Variants in AGBL4 observed in about 807,000 individuals in gnomAD.
AGBL4 encodes the protein cytosolic carboxypeptidase 6.
AGBL4 carries 58 observed loss-of-function variants against 66.4 expected under a neutral mutation model. That is an observed-to-expected ratio of 0.87 (90% CI 0.71 to 1.09). The LOEUF (loss-of-function observed/expected upper bound fraction) is 1.09. AGBL4 is among the 50% of genes least tolerant of loss of function. AGBL4 has a pLI of 0.00. For missense variants in AGBL4, 579 were observed against 631.0 expected (o/e 0.92, Z 0.88); for synonymous variants, 234 against 222.9 (o/e 1.05, Z -0.44).
At chr1:49,775,269 G>C (rs1162913759) in intron 2 of AGBL4, among the ~76,000 whole-genome samples, 1 of 152,078 alleles carries the variant, frequency 6.6e-6, no homozygotes, top group African/African-American at 2.4e-5. Flanking sequence ...TCCATAAAAT[G>C]GGGATAATGA....
intron 5 of AGBL4, among the ~76,000 whole-genome samples, chr1:49,006,341 C>A (rs890476804): frequency 2.6e-5 from 4 of 152,164 alleles, no homozygotes; most frequent in Non-Finnish European, 5.9e-5. Flanking sequence ...CGGCGCACCA[C>A]GAGATTATAT....
In AGBL4 at chr1:49,822,240, C is replaced by T. The variant is rs370400380; in HGVS notation, c.157+29156G>A. On this transcript the variant is annotated intron_variant, in intron 2 of 13. Coordinates refer to ENST00000371839, the MANE Select transcript of AGBL4 (RefSeq NM_032785.4). Reference sequence around the variant, plus strand: ...ATAAAATTAAAGGTATATTTCCATCCGGGTCAACAACAAAACTTTAAGTAT... The same window carrying T: ...ATAAAATTAAAGGTATATTTCCATCTGGGTCAACAACAAAACTTTAAGTAT... 3.3e-4 allele frequency among the ~76,000 whole-genome samples: 50 copies of T among 151,920 alleles called. 1 individual carries two copies. The highest frequency in any genetic ancestry group is 9.4e-4 in the African/African-American group (39 of 41,446).
chr1:49,885,768 G>C (rs1647968113), intron 1 of AGBL4, among the ~76,000 whole-genome samples: 1 of 152,022 alleles, frequency 6.6e-6, no homozygotes, highest in African/African-American at 2.4e-5. Context: ...GTCTCAAAAA[G>C]TTGACCATCT....
At chr1:49,844,453 C>T (rs1646084904) in intron 2 of AGBL4, among the ~76,000 whole-genome samples, 1 of 152,128 alleles carries the variant, frequency 6.6e-6, no homozygotes, top group East Asian at 1.9e-4. Flanking sequence ...CTCTTCCTTT[C>T]CTTATTCTGT....
intron 5 of AGBL4, among the ~76,000 whole-genome samples, chr1:48,949,353 C>T (rs1656778556): frequency 6.6e-6 from 1 of 152,230 alleles, no homozygotes; most frequent in South Asian, 2.1e-4. Flanking sequence ...TATCCAGTGA[C>T]TGCCCAGGCA....
intron 5 of AGBL4, among the ~76,000 whole-genome samples, chr1:48,930,862 T>C (rs1478305123): frequency 6.6e-6 from 1 of 152,220 alleles, no homozygotes; most frequent in Non-Finnish European, 1.5e-5. Flanking sequence ...ATGTCTTTTA[T>C]GGGTCCTGCA....
chr1:48,559,753 C>T (rs1644369417), intron 11 of AGBL4, among the ~76,000 whole-genome samples: 1 of 152,050 alleles, frequency 6.6e-6, no homozygotes, highest in South Asian at 2.1e-4. Flanking sequence ...CCAGACCCTC[C>T]ACTTAATCCT....
At chr1:49,034,150 A>G (rs150781822) in intron 5 of AGBL4, among the ~76,000 whole-genome samples, 9 of 152,202 alleles carry the variant, frequency 5.9e-5, no homozygotes, top group Middle Eastern at 6.8e-3. Flanking sequence ...CTCATTCATC[A>G]TACCATTAAA....
intron 5 of AGBL4, among the ~76,000 whole-genome samples, chr1:48,895,950 T>A (rs1185423089): frequency 6.6e-6 from 1 of 152,244 alleles, no homozygotes; most frequent in Non-Finnish European, 1.5e-5. Context: ...CCGGTTTTAC[T>A]ATGTGATATT....
At chr1:48,697,907 T>C (rs1260171252) in intron 6 of AGBL4, among the ~76,000 whole-genome samples, 3 of 152,228 alleles carry the variant, frequency 2.0e-5, no homozygotes, top group Non-Finnish European at 4.4e-5. Flanking sequence ...AAAAACGTTA[T>C]ATGCAGCTTC....
chr1:48,613,801 T>C (rs141049688), intron 9 of AGBL4, among the ~76,000 whole-genome samples: 2 of 152,376 alleles, frequency 1.3e-5, no homozygotes, highest in Admixed American at 6.5e-5. Context: ...ATGTTTGCTG[T>C]GGTAACCTAC....
chr1:49,303,092 C>T (rs933377718), intron 3 of AGBL4, among the ~76,000 whole-genome samples: 1 of 152,040 alleles, frequency 6.6e-6, no homozygotes, highest in Non-Finnish European at 1.5e-5. Flanking sequence ...TACATCTTTG[C>T]TATTGTGAAT....
chr1:48,583,741 T>A (rs1644773418), intron 11 of AGBL4: 3 of 152,140 alleles, frequency 2.0e-5, no homozygotes, highest in Admixed American at 6.5e-5. Context: ...CCAGACCATA[T>A]TGCCTTTCCC....
chr1:49,210,003 A>T (rs1406609494), intron 4 of AGBL4, among the ~76,000 whole-genome samples: 2 of 152,090 alleles, frequency 1.3e-5, no homozygotes, highest in Non-Finnish European at 2.9e-5. Flanking sequence ...CTATTAAACA[A>T]AAAGTGGTTT....
chr1:49,648,831 T>A (rs1210701040), intron 3 of AGBL4, among the ~76,000 whole-genome samples: 1 of 151,674 alleles, frequency 6.6e-6, no homozygotes, highest in Non-Finnish European at 1.5e-5. Flanking sequence ...AGTAGACCTG[T>A]CTTGAAAGAA....
intron 6 of AGBL4, among the ~76,000 whole-genome samples, chr1:48,740,565 T>C (rs890380005): frequency 6.6e-6 from 1 of 152,254 alleles, no homozygotes; most frequent in African/African-American, 2.4e-5. Flanking sequence ...AGTATACTAT[T>C]TGACCAAAGT....
At chr1:48,759,577 A>G (rs1644144369) in intron 6 of AGBL4, among the ~76,000 whole-genome samples, 1 of 152,184 alleles carries the variant, frequency 6.6e-6, no homozygotes, top group Admixed American at 6.5e-5. Context: ...CTGGATGCAT[A>G]TACCATGACC....
intron 6 of AGBL4, among the ~76,000 whole-genome samples, chr1:48,773,186 T>C (rs935168806): frequency 6.6e-6 from 1 of 151,810 alleles, no homozygotes; most frequent in African/African-American, 2.4e-5. Flanking sequence ...AGAGCACAGG[T>C]GCCTAGATAG....
intron 5 of AGBL4, among the ~76,000 whole-genome samples, chr1:48,957,620 G>A (rs997877822): frequency 6.6e-6 from 1 of 152,118 alleles, no homozygotes; most frequent in Non-Finnish European, 1.5e-5. Context: ...TTCTTTCTGT[G>A]CGTTATCCAC....
Sources: allele counts gnomAD v4.1 joint callset (sites outside exome capture counted in the v4.1 genomes callset), GRCh38; gene constraint gnomAD v4.1.1; transcripts MANE v1.5; gene names NCBI Gene and HGNC (gene_info 2026-07-23, HGNC 2026-07-21).